Variants in PLXNC1 observed in about 807,000 individuals in gnomAD.
The protein encoded by PLXNC1 is plexin C1, also known as plexin-C1.
A neutral mutation model predicts 178.2 loss-of-function variants in PLXNC1; 75 were observed. That is an observed-to-expected ratio of 0.42 (90% confidence interval 0.35 to 0.51). The LOEUF is 0.51. PLXNC1 is among the 20% of genes least tolerant of loss of function. PLXNC1 has a pLI of 0.02. For synonymous variants in PLXNC1, 790 were observed against 779.9 expected (o/e 1.01, Z -0.22); for missense variants, 1,503 against 1,984.4 (o/e 0.76, Z 4.61).
chr12:94,279,016 T>G (rs1409553974), intron 21 of PLXNC1, among the ~76,000 whole-genome samples: 7 of 151,548 alleles, frequency 4.6e-5, no homozygotes, highest in Non-Finnish European at 7.4e-5. Context: ...AAGTGACCTC[T>G]GGCATGGTCA....
chr12:94,173,766 C>T (rs555108330), intron 2 of PLXNC1, among the ~76,000 whole-genome samples: 2 of 152,194 alleles, frequency 1.3e-5, no homozygotes, highest in African/African-American at 2.4e-5. Context: ...GGGTTGATAC[C>T]AAGATGCAGA....
rs73368557 is a variant in PLXNC1, at chr12:94,265,694, T to G, written c.3597+469T>G. Among the ~76,000 whole-genome samples, 1,419 of 152,302 alleles carry G rather than the reference T, an allele frequency of 9.3e-3. 31 individuals are homozygous for G. Among genetic ancestry groups the G allele is most frequent in the African/African-American group, 0.032 (1,331 of 41,566 alleles). On this transcript the variant is annotated intron_variant, in intron 21 of 30. Transcript: ENST00000258526. ...TGCAACGTGACGCCCTTTATTTTCATGGATTAGTTACAAATGTTTGGTGTC... is the reference window on the plus strand; with the variant it reads ...TGCAACGTGACGCCCTTTATTTTCAGGGATTAGTTACAAATGTTTGGTGTC...
Position 94,231,159 on chromosome 12 carries a change from G to A in PLXNC1, c.1980+3924G>A, listed in dbSNP as rs575764055. On this transcript the variant is annotated intron_variant, in intron 9 of 30. Transcript: ENST00000258526. ...CCTTGAAGTTGAAAACACTTAATCA[G>A]TGTGGTTGGTTAAGTCTTTGATTGA... Among the ~76,000 whole-genome samples the A allele has an allele frequency of 1.2e-3, 180 of 152,286 alleles. 1 individual carries two copies. The highest frequency in any genetic ancestry group is 4.2e-3 in the African/African-American group (174 of 41,562).
intron 22 of PLXNC1, among the ~76,000 whole-genome samples, chr12:94,281,152 A>G (rs1966410291): frequency 1.3e-5 from 2 of 152,102 alleles, no homozygotes; most frequent in Admixed American, 6.6e-5. Flanking sequence ...GGTGGTGCAC[A>G]CCTGTGGTCC....
At chr12:94,235,251 ATAAAAAGT>A (rs1318543740) in intron 9 of PLXNC1, among the ~76,000 whole-genome samples, 1 of 152,224 alleles carries the variant, frequency 6.6e-6, no homozygotes, top group African/African-American at 2.4e-5. Flanking sequence ...ACTCAGGGAA[ATAAAAAGT>A]TAATAAGATG....
chr12:94,301,365 C>CA (rs375393825), intron 28 of PLXNC1, among the ~76,000 whole-genome samples: 4 of 152,232 alleles, frequency 2.6e-5, no homozygotes, highest in African/African-American at 7.2e-5. Flanking sequence ...ACTATTAACC[C>CA]AAAATATGCA....
intron 5 of PLXNC1, among the ~76,000 whole-genome samples, chr12:94,213,004 C>A (rs1396576624): frequency 6.6e-6 from 1 of 152,208 alleles, no homozygotes; most frequent in Non-Finnish European, 1.5e-5. Context: ...CAGGCGTGAG[C>A]CACCGTGCCC....
At chr12:94,277,397 A>T (rs832510) in intron 21 of PLXNC1, among the ~76,000 whole-genome samples, 98,019 of 152,014 alleles carry the variant, frequency 0.64, 31,700 homozygotes, top group African/African-American at 0.7. Context: ...AAAGACAAGA[A>T]ACACCCCTGA....
chr12:94,179,470 G>A (rs1226120880), intron 2 of PLXNC1, among the ~76,000 whole-genome samples: 1 of 152,220 alleles, frequency 6.6e-6, no homozygotes, highest in African/African-American at 2.4e-5. Context: ...GCCAGGCACG[G>A]TGGCTCACGC....
Position 94,149,991 on chromosome 12 carries a change from C to A in PLXNC1, c.1020C>A (p.Ala340=). Residue 340 remains alanine (A), a synonymous_variant, in exon 1 of 31, where the codon GCC becomes GCA. Coordinates refer to ENST00000258526, the MANE Select transcript of PLXNC1 (RefSeq NM_005761.3). ...LFRMSEIQAR[A]KRVSWDFKTA... ...GAATGAGTGAGATCCAGGCGCGCGC[C>A]AAGAGGGTCAGCTGGGACTTCAAGA... is the stretch of plus-strand genomic sequence containing the variant. The A allele has an allele frequency of 6.3e-7, 1 of 1,596,050 alleles. No homozygotes were observed.
At chr12:94,218,919 A>C (rs1388365525) in intron 5 of PLXNC1, among the ~76,000 whole-genome samples, 1 of 152,192 alleles carries the variant, frequency 6.6e-6, no homozygotes, top group Non-Finnish European at 1.5e-5. Flanking sequence ...CACACCTAGG[A>C]TCATCAAGGC....
Position 94,305,178 on chromosome 12 carries a change from C to CA in PLXNC1, c.4603-2dup, listed in dbSNP as rs762919780. On this transcript the variant is annotated splice_region_variant and splice_polypyrimidine_tract_variant and intron_variant, in intron 30 of 30. Coordinates refer to ENST00000258526, the MANE Select transcript of PLXNC1 (RefSeq NM_005761.3). ...CTAAAATAACTGTTCTAATTGTCAA[C>CA]AGATTCTAAATAAACTAGAAAGAGA... 1 of 1,584,264 alleles carries CA rather than the reference C, an allele frequency of 6.3e-7. No individual in the cohort carries two copies. Among genetic ancestry groups the CA allele is most frequent in the South Asian group, 1.1e-5 (1 of 89,478 alleles).
intron 1 of PLXNC1, among the ~76,000 whole-genome samples, chr12:94,162,585 A>G (rs956482171): frequency 2.0e-5 from 3 of 152,216 alleles, no homozygotes; most frequent in African/African-American, 7.2e-5. Context: ...GGAGACACCA[A>G]GAGACTCTTG....
At chr12:94,234,686 G>A (rs746989888) in intron 9 of PLXNC1, among the ~76,000 whole-genome samples, 3 of 152,194 alleles carry the variant, frequency 2.0e-5, no homozygotes, top group Admixed American at 2.0e-4. Context: ...GGAATCCCAC[G>A]ATAGGGCTCT....
chr12:94,230,706 T>C (rs1964075426), intron 9 of PLXNC1, among the ~76,000 whole-genome samples: 1 of 152,246 alleles, frequency 6.6e-6, no homozygotes, highest in African/African-American at 2.4e-5. Context: ...TGGGCCTTCA[T>C]GTTGGCCTTG....
At chr12:94,193,365 A>G (rs1444972882) in intron 4 of PLXNC1, among the ~76,000 whole-genome samples, 1 of 152,166 alleles carries the variant, frequency 6.6e-6, no homozygotes, top group Non-Finnish European at 1.5e-5. Context: ...GAATGATAGT[A>G]GTGGTGAGGG....
chr12:94,154,645 C>T (rs1285851257), intron 1 of PLXNC1, among the ~76,000 whole-genome samples: 2 of 152,222 alleles, frequency 1.3e-5, no homozygotes, highest in East Asian at 3.8e-4. Context: ...ATGGAGCAAG[C>T]TAAGCCCTTG....
Position 94,305,580 on chromosome 12 carries a change from A to T in PLXNC1, c.*295A>T, listed in dbSNP as rs982968762. On this transcript the variant is annotated 3_prime_UTR_variant, in exon 31 of 31. Coordinates refer to ENST00000258526, the MANE Select transcript of PLXNC1 (RefSeq NM_005761.3). ...AAGCGAATGTCAGTATTGTAACTAC[A>T]GTCTCCACTTAAGCACAATGATATA... is the stretch of plus-strand genomic sequence containing the variant. 2 of 307,470 alleles carry T rather than the reference A, an allele frequency of 6.5e-6. No individual in the cohort carries two copies. Among genetic ancestry groups the T allele is most frequent in the East Asian group, 6.4e-5 (1 of 15,716 alleles). 19.0% of individuals were successfully genotyped at this position (307,470 alleles called of 1,614,324 possible).
chr12:94,246,379 A>G (rs913469012), intron 12 of PLXNC1, among the ~76,000 whole-genome samples: 1 of 152,198 alleles, frequency 6.6e-6, no homozygotes, highest in Non-Finnish European at 1.5e-5. Context: ...TCGTGAAGCT[A>G]GAGATGACCA....
Sources: gnomAD v4.1 joint callset for allele counts (sites outside exome capture counted in the v4.1 genomes callset) on GRCh38, gnomAD v4.1.1 for gene constraint, MANE v1.5 for transcripts, NCBI Gene and HGNC (gene_info 2026-07-23, HGNC 2026-07-21) for gene names.